Variants in PGCKA1 observed in about 807,000 individuals in gnomAD.
The protein encoded by PGCKA1 is PDCD10 and GCKIII kinases associated 1.
the PGCKA1 span, among the ~76,000 whole-genome samples, chr4:37,506,891 G>T: frequency 6.6e-6 from 1 of 152,036 alleles, no homozygotes; most frequent in African/African-American, 2.4e-5. Context: ...GAAGTCCCCA[G>T]TTATTATTGT....
chr4:37,535,800 A>C, the PGCKA1 span, among the ~76,000 whole-genome samples: 1 of 152,212 alleles, frequency 6.6e-6, no homozygotes, highest in African/African-American at 2.4e-5. Context: ...ACAGTTCAAC[A>C]TGGCAGCGCT....
At chr4:37,468,227 G>T in the PGCKA1 span, among the ~76,000 whole-genome samples, 1 of 152,110 alleles carries the variant, frequency 6.6e-6, no homozygotes, top group African/African-American at 2.4e-5. Flanking sequence ...TGTGTCTCAG[G>T]GACTGTTTCA....
the PGCKA1 span, among the ~76,000 whole-genome samples, chr4:37,489,893 G>A: frequency 1.3e-5 from 2 of 152,084 alleles, no homozygotes; most frequent in African/African-American, 4.8e-5. Context: ...TGTCCTAAAT[G>A]GGATTGCTGT....
chr4:37,586,784 C>G, the PGCKA1 span, among the ~76,000 whole-genome samples: 237 of 152,178 alleles, frequency 1.6e-3, no homozygotes, highest in Non-Finnish European at 2.4e-3. Flanking sequence ...TTGGCAGGCA[C>G]CTGTAATCCC....
At chr4:37,549,935 A>C in the PGCKA1 span, among the ~76,000 whole-genome samples, 1 of 152,110 alleles carries the variant, frequency 6.6e-6, no homozygotes, top group Non-Finnish European at 1.5e-5. Context: ...TTTTCCTTAA[A>C]ATTTAGACTT....
At chr4:37,580,102 C>G in the PGCKA1 span, among the ~76,000 whole-genome samples, 1 of 152,024 alleles carries the variant, frequency 6.6e-6, no homozygotes, top group Non-Finnish European at 1.5e-5. Context: ...TATTTTTCAA[C>G]TCCAGAATTT....
chr4:37,544,840 T>A, the PGCKA1 span, among the ~76,000 whole-genome samples: 1 of 149,614 alleles, frequency 6.7e-6, no homozygotes, highest in South Asian at 2.1e-4. Context: ...TTCTTTTTTG[T>A]TTTTTTTTCT....
chr4:37,570,219 C>A, the PGCKA1 span, among the ~76,000 whole-genome samples: 1 of 134,910 alleles, frequency 7.4e-6, no homozygotes, highest in Non-Finnish European at 1.5e-5. Flanking sequence ...AGGATGGTCT[C>A]GATCTCCTGA....
chr4:37,480,786 G>A, the PGCKA1 span, among the ~76,000 whole-genome samples: 3 of 152,258 alleles, frequency 2.0e-5, no homozygotes, highest in Admixed American at 2.0e-4. Context: ...GAAGGGAGGA[G>A]TTTGGAATGT....
chr4:37,525,497 T>A, the PGCKA1 span, among the ~76,000 whole-genome samples: 2,455 of 100,182 alleles, frequency 0.025, 79 homozygotes, highest in African/African-American at 0.093. Context: ...CACATACTTT[T>A]AAACTGTATT....
the PGCKA1 span, among the ~76,000 whole-genome samples, chr4:37,480,448 G>A: frequency 6.6e-6 from 1 of 152,202 alleles, no homozygotes; most frequent in South Asian, 2.1e-4. Context: ...AGCTGAGATC[G>A]CTCCGCTGCA....
At chr4:37,551,561 G>C in the PGCKA1 span, among the ~76,000 whole-genome samples, 1 of 152,180 alleles carries the variant, frequency 6.6e-6, no homozygotes, top group Non-Finnish European at 1.5e-5. Context: ...CTACTTGCTA[G>C]CAGCTGAAAG....
chr4:37,482,664 A>G, the PGCKA1 span, among the ~76,000 whole-genome samples: 1 of 152,162 alleles, frequency 6.6e-6, no homozygotes, highest in African/African-American at 2.4e-5. Context: ...TCACCAAGAC[A>G]ATGAGGACAA....
At chr4:37,473,841 C>T in the PGCKA1 span, among the ~76,000 whole-genome samples, 1 of 152,164 alleles carries the variant, frequency 6.6e-6, no homozygotes, top group African/African-American at 2.4e-5. Flanking sequence ...GCCCTGCCCC[C>T]CTACACAGCT....
the PGCKA1 span, among the ~76,000 whole-genome samples, chr4:37,473,197 T>A: frequency 6.6e-6 from 1 of 152,174 alleles, no homozygotes; most frequent in East Asian, 1.9e-4. Flanking sequence ...TTCCTTATAA[T>A]ATAGTGTTCT....
the PGCKA1 span, chr4:37,588,714 G>T: frequency 1.4e-5 from 9 of 640,660 alleles, no homozygotes; most frequent in Non-Finnish European, 2.2e-5. Flanking sequence ...GACCCACGTG[G>T]TAGTTATCCT....
chr4:37,471,063 C>T, the PGCKA1 span, among the ~76,000 whole-genome samples: 1 of 152,218 alleles, frequency 6.6e-6, no homozygotes, highest in East Asian at 1.9e-4. Context: ...TACTCCCACA[C>T]CACGTACCTG....
chr4:37,536,178 C>T, the PGCKA1 span, among the ~76,000 whole-genome samples: 1 of 152,172 alleles, frequency 6.6e-6, no homozygotes, highest in Non-Finnish European at 1.5e-5. Context: ...CTTAGCACAG[C>T]ACTTTGATGG....
chr4:37,481,464 CAAAAAAAAAAAAAAAAAAAA>C, the PGCKA1 span, among the ~76,000 whole-genome samples: 61 of 61,444 alleles, frequency 9.9e-4, no homozygotes, highest in Middle Eastern at 0.01. Flanking sequence ...GACCTGTCTC[CAAAAAAAAAAAAAAAAAAAA>C]AAAAAAAAAA....
Sources: gnomAD v4.1 joint callset for allele counts (sites outside exome capture counted in the v4.1 genomes callset) on GRCh38, gnomAD v4.1.1 for gene constraint, MANE v1.5 for transcripts, NCBI Gene and HGNC (gene_info 2026-07-23, HGNC 2026-07-21) for gene names.